The following PDSS2 variants were observed in gnomAD, a reference collection of about 807,000 sequenced individuals.
The protein encoded by PDSS2 is all trans-polyprenyl-diphosphate synthase PDSS2.
PDSS2 carries 31 observed loss-of-function variants against 44.5 expected under a neutral mutation model. The ratio of observed to expected loss-of-function variants is 0.70; its 90% CI spans 0.52 to 0.94. The LOEUF (loss-of-function observed/expected upper bound fraction) is 0.94, where lower values mean the gene tolerates loss of function less well. PDSS2 is among the 40% of genes least tolerant of loss of function. The pLI is 0.00. For synonymous variants in PDSS2, 157 were observed against 180.3 expected (o/e 0.87, Z 1.03); for missense variants, 452 against 482.2 (o/e 0.94, Z 0.59).
intron 7 of PDSS2, among the ~76,000 whole-genome samples, chr6:107,157,157 C>T (rs1159389624): frequency 6.6e-6 from 1 of 152,016 alleles, no homozygotes; most frequent in Admixed American, 6.6e-5. Context: ...CTTGCTTGGC[C>T]TCACTTTTCC....
chr6:107,262,074 A>C (rs1187452273), intron 3 of PDSS2, among the ~76,000 whole-genome samples: 1 of 151,010 alleles, frequency 6.6e-6, no homozygotes, highest in Non-Finnish European at 1.5e-5. Context: ...ACGCCCGGCT[A>C]ATTTTTTTGC....
chr6:107,330,674 T>C (rs1359558470), intron 2 of PDSS2, among the ~76,000 whole-genome samples: 1 of 152,192 alleles, frequency 6.6e-6, no homozygotes, highest in Non-Finnish European at 1.5e-5. Flanking sequence ...GAATGGGAAG[T>C]TGTAAACATT....
At chr6:107,407,220 C>G (rs1410861291) in intron 1 of PDSS2, among the ~76,000 whole-genome samples, 4 of 152,078 alleles carry the variant, frequency 2.6e-5, no homozygotes, top group Non-Finnish European at 5.9e-5. Flanking sequence ...TTGTATGATT[C>G]TACTTATATG....
At chr6:107,368,045 C>A (rs913896863) in intron 1 of PDSS2, among the ~76,000 whole-genome samples, 1 of 151,686 alleles carries the variant, frequency 6.6e-6, no homozygotes, top group Non-Finnish European at 1.5e-5. Flanking sequence ...TCAAGGAGGG[C>A]GGATCATGAG....
chr6:107,432,153 T>C (rs1781211353), intron 1 of PDSS2, among the ~76,000 whole-genome samples: 1 of 152,198 alleles, frequency 6.6e-6, no homozygotes, highest in African/African-American at 2.4e-5. Flanking sequence ...GGTGGCAGAA[T>C]AATATCTAGC....
At chr6:107,170,645 A>C in intron 7 of PDSS2, among the ~76,000 whole-genome samples, 5 of 123,766 alleles carry the variant, frequency 4.0e-5, no homozygotes, top group Admixed American at 1.9e-4. Flanking sequence ...AGACAGCCTC[A>C]CTCTGACACC....
chr6:107,214,334 G>A (rs1773337271), intron 4 of PDSS2, among the ~76,000 whole-genome samples: 1 of 151,900 alleles, frequency 6.6e-6, no homozygotes, highest in African/African-American at 2.4e-5. Context: ...CTCGTGATCC[G>A]CCCGCCTCGG....
At chr6:107,222,302 C>G (rs954615448) in intron 4 of PDSS2, among the ~76,000 whole-genome samples, 3 of 152,068 alleles carry the variant, frequency 2.0e-5, no homozygotes, top group Admixed American at 6.5e-5. Flanking sequence ...TGTGATGACA[C>G]TTTTATGTTC....
intron 7 of PDSS2, among the ~76,000 whole-genome samples, chr6:107,166,159 C>A (rs1771338635): frequency 6.6e-6 from 1 of 151,770 alleles, no homozygotes; most frequent in Admixed American, 6.6e-5. Context: ...CCCTTTATTT[C>A]TTTCTCCTGC....
At chr6:107,155,237 C>T (rs1444015286) in intron 7 of PDSS2, among the ~76,000 whole-genome samples, 1 of 150,972 alleles carries the variant, frequency 6.6e-6, no homozygotes, top group Non-Finnish European at 1.5e-5. Context: ...CCTCCGCCTC[C>T]TGGGTTTAAG....
chr6:107,381,552 G>A (rs574099712), intron 1 of PDSS2, among the ~76,000 whole-genome samples: 12 of 152,310 alleles, frequency 7.9e-5, no homozygotes, highest in Non-Finnish European at 1.5e-4. Flanking sequence ...AGGAAGTATA[G>A]TCAAAGGCAT....
chr6:107,163,652 G>C (rs1771229160), intron 7 of PDSS2, among the ~76,000 whole-genome samples: 3 of 151,234 alleles, frequency 2.0e-5, no homozygotes, highest in African/African-American at 7.3e-5. Flanking sequence ...ACCCAGGCTG[G>C]AGTGCAGTGG....
intron 1 of PDSS2, among the ~76,000 whole-genome samples, chr6:107,392,288 C>T (rs1196092704): frequency 6.6e-6 from 1 of 152,182 alleles, no homozygotes; most frequent in Non-Finnish European, 1.5e-5. Flanking sequence ...TGTCAGTATA[C>T]TGAAGTAGAT....
chr6:107,367,024 A>AT (rs2114343779), intron 1 of PDSS2, among the ~76,000 whole-genome samples: 1 of 152,248 alleles, frequency 6.6e-6, no homozygotes, highest in Non-Finnish European at 1.5e-5. Flanking sequence ...CAAAGACATC[A>AT]TAAGAAATGA....
chr6:107,204,328 T>C (rs1772897752), intron 6 of PDSS2, among the ~76,000 whole-genome samples: 2 of 152,224 alleles, frequency 1.3e-5, no homozygotes, highest in South Asian at 4.1e-4. Flanking sequence ...TTCCATTGTA[T>C]GGATATACCA....
chr6:107,257,316 T>C (rs1262156433), intron 3 of PDSS2, among the ~76,000 whole-genome samples: 1 of 151,556 alleles, frequency 6.6e-6, no homozygotes, highest in African/African-American at 2.4e-5. Flanking sequence ...GGTGGGAGGA[T>C]GGCTTCAGGT....
At chr6:107,167,588 CTTTTCTGCT>C (rs1338995948) in intron 7 of PDSS2, among the ~76,000 whole-genome samples, 2 of 152,170 alleles carry the variant, frequency 1.3e-5, no homozygotes, top group Non-Finnish European at 2.9e-5. Context: ...AATTTGAGAT[CTTTTCTGCT>C]TTCTCTTGTG....
At chr6:107,211,460 G>A (rs1036951125) in intron 5 of PDSS2, among the ~76,000 whole-genome samples, 3 of 151,944 alleles carry the variant, frequency 2.0e-5, no homozygotes, top group African/African-American at 2.4e-5. Flanking sequence ...GGCCAGGCGT[G>A]GTGGCTCACA....
At chr6:107,277,112 TTCC>T (rs1316425571) in intron 2 of PDSS2, among the ~76,000 whole-genome samples, 1 of 152,256 alleles carries the variant, frequency 6.6e-6, no homozygotes, top group Non-Finnish European at 1.5e-5. Flanking sequence ...TTAGGCTGCC[TTCC>T]ACATGTGCCC....
Sources: gnomAD v4.1 joint callset for allele counts (sites outside exome capture counted in the v4.1 genomes callset) on GRCh38, gnomAD v4.1.1 for gene constraint, MANE v1.5 for transcripts, NCBI Gene and HGNC (gene_info 2026-07-23, HGNC 2026-07-21) for gene names.